Variants in ADARB2 observed in about 807,000 individuals in gnomAD.
ADARB2 encodes the protein inactive double-stranded RNA-specific editase B2.
ADARB2 carries 25 observed loss-of-function variants against 62.2 expected under a neutral mutation model. The observed-to-expected ratio is 0.40, with a 90% CI of 0.29 to 0.56. The LOEUF (loss-of-function observed/expected upper bound fraction) is 0.56. Among genes scored for constraint, ADARB2 ranks in the 20% least tolerant of loss-of-function variants. The pLI, the probability that ADARB2 is intolerant of heterozygous loss-of-function variation, is 0.43. For synonymous variants in ADARB2, 572 were observed against 500.8 expected (o/e 1.14, Z -1.90); for missense variants, 1,071 against 1,077.4 (o/e 0.99, Z 0.08).
intron 1 of ADARB2, chr10:1,556,655 C>T (rs752977707): frequency 7.5e-6 from 4 of 533,664 alleles, no homozygotes; most frequent in Admixed American, 1.9e-5. Context: ...ACATTGCGCT[C>T]CAAGTACCCC....
intron 1 of ADARB2, among the ~76,000 whole-genome samples, chr10:1,685,791 G>GATGGAA (rs2119121037): frequency 6.6e-6 from 1 of 152,336 alleles, no homozygotes; most frequent in African/African-American, 2.4e-5. Flanking sequence ...TCAAGGTCCT[G>GATGGAA]ATGGAGATCA....
chr10:1,203,832 G>C (rs766998195), intron 7 of ADARB2, among the ~76,000 whole-genome samples: 1 of 152,186 alleles, frequency 6.6e-6, no homozygotes, highest in South Asian at 2.1e-4. Context: ...GGACCTCAAA[G>C]TGGGATGTCT....
Position 1,477,774 on chromosome 10 carries a change from T to A in ADARB2, c.101-98614A>T, listed in dbSNP as rs924183174. On this transcript the variant is annotated intron_variant, in intron 1 of 9. Coordinates refer to ENST00000381312, the MANE Select transcript of ADARB2 (RefSeq NM_018702.4). This position sits in a 1 kb window ranked among gnomAD's most constrained non-coding sequence, Gnocchi z 4.5. ...AAATAGAGACCACAGCCACGTGTTA[T>A]TTCATGCTATGTTTAAATCTAACTT... is the stretch of plus-strand genomic sequence containing the variant. 5.3e-5 allele frequency among the ~76,000 whole-genome samples: 8 copies of A among 152,358 alleles called. No homozygotes were observed. Among genetic ancestry groups the A allele is most frequent in the African/African-American group, 1.9e-4 (8 of 41,580 alleles).
intron 6 of ADARB2, among the ~76,000 whole-genome samples, chr10:1,224,335 C>T (rs181902566): frequency 7.9e-5 from 12 of 151,856 alleles, no homozygotes; most frequent in East Asian, 1.9e-4. Context: ...ATTAGTCTTG[C>T]TAGTGGTCTA....
rs149843851 is a variant in ADARB2 at position 1,721,015 on chromosome 10, A to G, written c.100+16036T>C. 4.2e-3 allele frequency among the ~76,000 whole-genome samples: 639 copies of G among 152,330 alleles called. 6 individuals carry two copies. The highest frequency in any genetic ancestry group is 0.014 in the African/African-American group (595 of 41,578). ...AGATGATTTCAAAAATGGGAATTCA[A>G]TTGTGGAACTTTATGAGGAAGAATA... On this transcript the variant is annotated intron_variant, in intron 1 of 9. Transcript: ENST00000381312.
At chr10:1,395,540 C>A (rs1190825938) in intron 1 of ADARB2, among the ~76,000 whole-genome samples, 1 of 152,212 alleles carries the variant, frequency 6.6e-6, no homozygotes, top group Non-Finnish European at 1.5e-5. Flanking sequence ...GGCCGCCAGG[C>A]ACTTCTCCCC....
chr10:1,569,831 G>A (rs1299310477), intron 1 of ADARB2, among the ~76,000 whole-genome samples: 6 of 151,566 alleles, frequency 4.0e-5, no homozygotes, highest in Non-Finnish European at 8.8e-5. Context: ...TATAAATGAC[G>A]TCCTAAAAGA....
intron 1 of ADARB2, among the ~76,000 whole-genome samples, chr10:1,478,671 C>T (rs888793291): frequency 1.5e-4 from 23 of 149,788 alleles, no homozygotes; most frequent in South Asian, 6.4e-4. Flanking sequence ...GACCCTCGGA[C>T]GGGAGAGCAC....
In ADARB2 at chr10:1,363,168, C is replaced by G; in HGVS notation, c.937G>C (p.Asp313His). ...CCCGAGCCCTCGAACGTCCTGCCGT[C>G]CACGCTCACGGCCATCACGAAGCTC... ...ARSFVMAVSV[D>H]GRTFEGSGRS... The change falls in exon 3 of 10, where the codon GAC becomes CAC. Residue 313 changes from aspartate to histidine, a missense_variant. Transcript: ENST00000381312. 1 of 1,538,148 alleles carries G rather than the reference C, an allele frequency of 6.5e-7. No homozygotes were observed. Among genetic ancestry groups the G allele is most frequent in the Non-Finnish European group, 8.7e-7 (1 of 1,151,014 alleles).
chr10:1,206,279 A>C (rs1447846263), intron 7 of ADARB2, among the ~76,000 whole-genome samples: 2 of 152,106 alleles, frequency 1.3e-5, no homozygotes, highest in African/African-American at 4.8e-5. Context: ...TAAGCCGGCT[A>C]CCTGCGCGGG....
chr10:1,211,936 C>G (rs1225451012), intron 7 of ADARB2, among the ~76,000 whole-genome samples: 1 of 152,148 alleles, frequency 6.6e-6, no homozygotes, highest in Non-Finnish European at 1.5e-5. Context: ...ATTTGACAAC[C>G]ACCTTTCAAA....
intron 3 of ADARB2, among the ~76,000 whole-genome samples, chr10:1,296,211 T>C (rs1831521812): frequency 6.6e-6 from 1 of 152,076 alleles, no homozygotes; most frequent in South Asian, 2.1e-4. Flanking sequence ...AAGACAAACA[T>C]GAATGGGAGG....
intron 1 of ADARB2, among the ~76,000 whole-genome samples, chr10:1,516,313 C>T (rs1832008369): frequency 6.6e-6 from 1 of 152,244 alleles, no homozygotes; most frequent in Non-Finnish European, 1.5e-5. Flanking sequence ...TGAGCTCTGA[C>T]AGGTGTGTTT....
intron 1 of ADARB2, among the ~76,000 whole-genome samples, chr10:1,523,107 CTA>C (rs1292219382): frequency 1.3e-5 from 2 of 152,270 alleles, no homozygotes; most frequent in African/African-American, 2.4e-5. Flanking sequence ...ATCGATAACA[CTA>C]TGTGACAAAT....
chr10:1,488,225 GAA>G (rs71379134), intron 1 of ADARB2, among the ~76,000 whole-genome samples: 14 of 145,870 alleles, frequency 9.6e-5, no homozygotes, highest in Middle Eastern at 3.6e-3. Flanking sequence ...ATTTGGCAAA[GAA>G]AAAAAAAAAG....
chr10:1,258,679 A>G (rs1388137391), intron 4 of ADARB2, among the ~76,000 whole-genome samples: 2 of 152,228 alleles, frequency 1.3e-5, no homozygotes, highest in Non-Finnish European at 2.9e-5. Flanking sequence ...AAAGAGACTT[A>G]GACTCCCCAC....
chr10:1,200,566 C>T (rs1393595325), intron 7 of ADARB2, among the ~76,000 whole-genome samples: 2 of 152,062 alleles, frequency 1.3e-5, no homozygotes, highest in Non-Finnish European at 2.9e-5. Flanking sequence ...TCCCTTTGTC[C>T]TTAGCAGTCA....
At chr10:1,695,622 AGAGT>A (rs796478878) in intron 1 of ADARB2, among the ~76,000 whole-genome samples, 591 of 42,946 alleles carry the variant, frequency 0.014, 5 homozygotes, top group African/African-American at 0.026. Context: ...CATGTTTGTG[AGAGT>A]GTGTGCATGT....
Position 1,698,811 on chromosome 10 carries a change from A to G in ADARB2, c.100+38240T>C, listed in dbSNP as rs181245302. On this transcript the variant is annotated intron_variant, in intron 1 of 9. Coordinates refer to ENST00000381312, the MANE Select transcript of ADARB2 (RefSeq NM_018702.4). Reference sequence around the variant, plus strand: ...ATCTTGCTCTGTCGCTCAGGCTGGAATGCAATGGCATTATCTTGGGTCACT... The same window carrying G: ...ATCTTGCTCTGTCGCTCAGGCTGGAGTGCAATGGCATTATCTTGGGTCACT... 9.2e-5 allele frequency among the ~76,000 whole-genome samples: 14 copies of G among 152,328 alleles called. No homozygotes were observed. The East Asian group carries it at 2.7e-3, about 29-fold the overall frequency.
Sources: allele counts gnomAD v4.1 joint callset (sites outside exome capture counted in the v4.1 genomes callset), GRCh38; gene constraint gnomAD v4.1.1; non-coding constraint Gnocchi (gnomAD v3.1); transcripts MANE v1.5; gene names NCBI Gene and HGNC (gene_info 2026-07-23, HGNC 2026-07-21).